Variants in LARP1 observed in about 807,000 individuals in gnomAD.
The protein encoded by LARP1 is la-related protein 1.
LARP1 carries 36 observed loss-of-function variants against 122.7 expected under a neutral mutation model. The observed-to-expected ratio is 0.29, with a 90% CI of 0.22 to 0.39. The LOEUF (loss-of-function observed/expected upper bound fraction) is 0.39. Ranked by LOEUF, LARP1 falls within the 10% of genes least tolerant of loss-of-function variation. The pLI is 1.00. For missense variants in LARP1, 1,040 were observed against 1,403.6 expected (o/e 0.74, Z 4.14); for synonymous variants, 539 against 528.7 (o/e 1.02, Z -0.27).
At chr5:154,698,976 G>A (rs1387566595) in intron 1 of LARP1, among the ~76,000 whole-genome samples, 4 of 152,188 alleles carry the variant, frequency 2.6e-5, no homozygotes, top group African/African-American at 9.7e-5. Flanking sequence ...CACTCCGGAA[G>A]AAGAGAGAAA....
chr5:154,813,587 G>A (rs958617926), intron 18 of LARP1, among the ~76,000 whole-genome samples: 12 of 152,116 alleles, frequency 7.9e-5, no homozygotes, highest in Non-Finnish European at 1.6e-4. Flanking sequence ...TGTCTTTATC[G>A]GTTACCAGCT....
At chr5:154,806,343 A>C (rs185935845) in intron 15 of LARP1, among the ~76,000 whole-genome samples, 1 of 152,302 alleles carries the variant, frequency 6.6e-6, no homozygotes, top group African/African-American at 2.4e-5. Flanking sequence ...GGTCTAGTCC[A>C]CTGTCCATCA....
At chr5:154,701,482 G>A (rs1409789341) in intron 1 of LARP1, among the ~76,000 whole-genome samples, 1 of 152,144 alleles carries the variant, frequency 6.6e-6, no homozygotes, top group Non-Finnish European at 1.5e-5. Flanking sequence ...CAGCCCATAG[G>A]GAAAGGTGGG....
At chr5:154,735,680 T>G (rs1200477987) in intron 1 of LARP1, among the ~76,000 whole-genome samples, 1 of 151,738 alleles carries the variant, frequency 6.6e-6, no homozygotes, top group East Asian at 1.9e-4. Flanking sequence ...GCAATTCTCC[T>G]GCCTCAGCCT....
intron 8 of LARP1, among the ~76,000 whole-genome samples, chr5:154,796,742 C>G (rs1291929706): frequency 6.6e-6 from 1 of 152,166 alleles, no homozygotes; most frequent in African/African-American, 2.4e-5. Flanking sequence ...AGGTGGAATA[C>G]CTCTTCAAGA....
intron 13 of LARP1, 97 bp from the exon 14 acceptor site, chr5:154,804,104 T>C (rs1582468253): frequency 5.8e-6 from 5 of 869,522 alleles, no homozygotes; most frequent in Admixed American, 3.8e-5. Flanking sequence ...TGTTGTAAAA[T>C]GTGAGAGATC....
chr5:154,761,342 C>T (rs1163393231), intron 1 of LARP1, among the ~76,000 whole-genome samples: 2 of 152,048 alleles, frequency 1.3e-5, no homozygotes, highest in East Asian at 3.8e-4. Flanking sequence ...CTCTGAACCT[C>T]CTGAGGGTCG....
At chr5:154,793,564 G>A in intron 4 of LARP1, 31 bp from the exon 5 acceptor site, 1 of 1,614,078 alleles carries the variant, frequency 6.2e-7, no homozygotes, top group Non-Finnish European at 8.5e-7. Flanking sequence ...TCTCCCTCAA[G>A]CCTTTCTCAT....
At position 154,803,826 on chromosome 5, in the gene LARP1, G is replaced by A. The variant is rs995980002; in HGVS notation, c.2439+81G>A. On this transcript the variant is annotated intron_variant, in intron 13 of 18. Coordinates refer to ENST00000518297, the MANE Select transcript of LARP1 (RefSeq NM_033551.3). The surrounding 1 kb of genome is among the most constrained non-coding windows in gnomAD (Gnocchi z 4.4). Reference sequence around the variant, plus strand: ...GTGCTTTGCTTCTCTCCCTTGCCTTGTCTGAGCTAAGGAAGTGCTAAATCC... The same window carrying A: ...GTGCTTTGCTTCTCTCCCTTGCCTTATCTGAGCTAAGGAAGTGCTAAATCC... 2.9e-5 allele frequency: 40 copies of A among 1,397,632 alleles called. No homozygotes were observed. Among genetic ancestry groups the A allele is most frequent in the Non-Finnish European group, 3.8e-5 (38 of 997,316 alleles). 86.6% of individuals were successfully genotyped at this position (1,397,632 alleles called of 1,614,324 possible). A position where few individuals can be genotyped will look rare whatever the true frequency, so the allele number is the denominator to read the frequency against.
In LARP1 at chr5:154,817,370, C is replaced by T. The variant is rs572295977; in HGVS notation, c.*3274C>T. ...TGCGGAGAAGGTTCCACCTTACGCTCGTAGTACATTATCTTTACTATGTGC... is the reference window on the plus strand; with the variant it reads ...TGCGGAGAAGGTTCCACCTTACGCTTGTAGTACATTATCTTTACTATGTGC... On this transcript the variant is annotated 3_prime_UTR_variant, in exon 19 of 19. Transcript: ENST00000518297. 2.0e-5 allele frequency: 3 copies of T among 152,492 alleles called. No individual in the cohort carries two copies. The highest frequency in any genetic ancestry group is 4.8e-5 in the African/African-American group (2 of 41,444). 9.4% of individuals were successfully genotyped at this position (152,492 alleles called of 1,614,324 possible).
At position 154,742,433 on chromosome 5, in the gene LARP1, C is replaced by A. The variant is rs62382160; in HGVS notation, c.205+29303C>A. Among the ~76,000 whole-genome samples the A allele has an allele frequency of 2.0e-5, 3 of 152,212 alleles. No individual in the cohort carries two copies. In the East Asian group the frequency reaches 5.8e-4, roughly 29 times the overall value. ...AATTAGTCAGGCATGGTGGCACATG[C>A]CTGTAATCCCAGGTATTCAGGAGGC... On this transcript the variant is annotated intron_variant, in intron 1 of 18. Coordinates refer to the LARP1 transcript ENST00000336314.
intron 18 of LARP1, 146 bp downstream of exon 18, chr5:154,811,786 T>C: frequency 1.1e-6 from 1 of 927,794 alleles, no homozygotes; most frequent in South Asian, 1.6e-5. Context: ...CTTTTTCACC[T>C]TTAAAATGGA....
intron 18 of LARP1, among the ~76,000 whole-genome samples, chr5:154,812,214 A>G (rs1759330177): frequency 6.6e-6 from 1 of 152,184 alleles, no homozygotes; most frequent in South Asian, 2.1e-4. Flanking sequence ...TTTATAATGT[A>G]GTAGAGATGT....
At chr5:154,701,520 C>T (rs1159221996) in intron 1 of LARP1, among the ~76,000 whole-genome samples, 1 of 152,140 alleles carries the variant, frequency 6.6e-6, no homozygotes, top group Non-Finnish European at 1.5e-5. Flanking sequence ...CCAGTCAGAC[C>T]CCCTGGTCAC....
intron 1 of LARP1, among the ~76,000 whole-genome samples, chr5:154,760,715 A>G (rs1754382478): frequency 6.6e-6 from 1 of 152,254 alleles, no homozygotes; most frequent in Non-Finnish European, 1.5e-5. Flanking sequence ...GCCATGAGGT[A>G]GGCAGTTATT....
At chr5:154,811,382 G>A in intron 17 of LARP1, 26 bp downstream of exon 17, 1 of 1,611,650 alleles carries the variant, frequency 6.2e-7, no homozygotes, top group South Asian at 1.1e-5. Flanking sequence ...GGATCTGAGT[G>A]AGGCCTGGTC....
At chr5:154,807,089 G>T (rs1758850436) in intron 15 of LARP1, among the ~76,000 whole-genome samples, 1 of 152,124 alleles carries the variant, frequency 6.6e-6, no homozygotes, top group African/African-American at 2.4e-5. Context: ...GTGGTCCTTT[G>T]TTACTGGCCT....
upstream of LARP1, among the ~76,000 whole-genome samples, chr5:154,707,851 A>G (rs1388252501): frequency 1.3e-5 from 2 of 152,152 alleles, no homozygotes; most frequent in African/African-American, 4.8e-5. Flanking sequence ...CCTGCTTCAC[A>G]AGGATATGCT....
intron 1 of LARP1, among the ~76,000 whole-genome samples, chr5:154,718,137 G>A (rs1755626922): frequency 6.6e-6 from 1 of 151,944 alleles, no homozygotes; most frequent in Non-Finnish European, 1.5e-5. Flanking sequence ...GCCCAGCCTG[G>A]TCTCAAATTC....
Sources: gnomAD v4.1 joint callset for allele counts (sites outside exome capture counted in the v4.1 genomes callset) on GRCh38, gnomAD v4.1.1 for gene constraint, Gnocchi (gnomAD v3.1) non-coding constraint, MANE v1.5 for transcripts, NCBI Gene and HGNC (gene_info 2026-07-23, HGNC 2026-07-21) for gene names.